HELZ: variants seen among roughly 807,000 people sequenced by gnomAD.
HELZ encodes the protein helicase with zinc finger.
In HELZ, 23 loss-of-function variants were observed where a neutral mutation model predicts 218.2. The ratio of observed to expected loss-of-function variants is 0.11; its 90% CI spans 0.08 to 0.15. The LOEUF is 0.15. Ranked by LOEUF, HELZ falls within the 10% of genes least tolerant of loss-of-function variation. The probability of loss-of-function intolerance (pLI) is 1.00; values close to 1 mark genes in which losing one functional copy is unlikely to be tolerated. For synonymous variants in HELZ, 814 were observed against 829.4 expected, an observed-to-expected ratio of 0.98 and a Z score of 0.32; for missense variants, 1,813 against 2,353.7, an observed-to-expected ratio of 0.77 and a Z score of 4.75.
At chr17:67,242,739 T>C (rs1266943248) in intron 2 of HELZ, among the ~76,000 whole-genome samples, 1 of 151,660 alleles carries the variant, frequency 6.6e-6, no homozygotes, top group East Asian at 1.9e-4. Context: ...CACAAGAAAA[T>C]GCAGTATGTG....
rs183613778 is a variant in HELZ, at chr17:67,123,101, G to C, written c.3499C>G (p.Pro1167Ala). 4.7e-5 allele frequency: 76 copies of C among 1,613,568 alleles called. No individual in the cohort carries two copies. The Admixed American group carries it at 7.5e-4, about 16-fold the overall frequency. The part of the protein sequence containing the change: ...NPIRAYTPPP[P>A]LGPHPNLGKS... ...CCCAAATTTGGGTGAGGTCCAAGAG[G>C]GGGTGGAGGAGTATATGCTCTAATA... Residue 1167 changes from proline (P) to alanine (A), a missense_variant, in exon 26 of 33, where the codon CCT becomes GCT. By Grantham distance (27) the Pro-to-Ala change is conservative. Around this residue, in one of 4 missense-constraint regions of HELZ, gnomAD observed 938 missense variants for 1,027.5 expected, o/e 0.91. Coordinates refer to ENST00000358691, the MANE Select transcript of HELZ (RefSeq NM_014877.4).
At chr17:67,098,153 T>C (rs1428135084) in intron 31 of HELZ, among the ~76,000 whole-genome samples, 2 of 152,206 alleles carry the variant, frequency 1.3e-5, no homozygotes, top group Non-Finnish European at 2.9e-5. Context: ...TTCTGTGTAA[T>C]TGCAATCATT....
chr17:67,124,590 C>T (rs2037723008), intron 24 of HELZ, among the ~76,000 whole-genome samples: 2 of 152,240 alleles, frequency 1.3e-5, no homozygotes, highest in African/African-American at 4.8e-5. Context: ...AACTGCTAGA[C>T]AGCAATATGG....
At chr17:67,219,233 G>T (rs1285557804) in intron 3 of HELZ, among the ~76,000 whole-genome samples, 1 of 152,154 alleles carries the variant, frequency 6.6e-6, no homozygotes, top group Non-Finnish European at 1.5e-5. Flanking sequence ...ACAGTTCTGT[G>T]ACCATGATTG....
chr17:67,194,170 T>C, intron 8 of HELZ, 128 bp from the exon 9 acceptor site: 1 of 640,856 alleles, frequency 1.6e-6, no homozygotes, highest in Non-Finnish European at 2.7e-6. Context: ...GAACATGACA[T>C]ACTTGCCTCT....
At chr17:67,114,294 C>T in intron 28 of HELZ, 30 bp downstream of exon 28, 1 of 1,454,462 alleles carries the variant, frequency 6.9e-7, no homozygotes, top group Non-Finnish European at 9.7e-7. Flanking sequence ...ACTAAATCCA[C>T]TAGGACAACA....
chr17:67,230,743 C>T (rs769494420), intron 3 of HELZ, among the ~76,000 whole-genome samples: 1 of 152,012 alleles, frequency 6.6e-6, no homozygotes, highest in South Asian at 2.1e-4. Flanking sequence ...TGTGTAGACA[C>T]AGAATCACAT....
chr17:67,187,847 G>A (rs1252640461), intron 12 of HELZ, among the ~76,000 whole-genome samples: 1 of 152,140 alleles, frequency 6.6e-6, no homozygotes, highest in Non-Finnish European at 1.5e-5. Flanking sequence ...AACACTAGTG[G>A]ATGCACAAAC....
intron 5 of HELZ, among the ~76,000 whole-genome samples, chr17:67,212,314 C>CAAAAAAAAAACAAAA (rs2040476095): frequency 4.7e-5 from 1 of 21,396 alleles, no homozygotes; most frequent in Non-Finnish European, 8.1e-5. Context: ...GACACCATCT[C>CAAAAAAAAAACAAAA]AAAAAAAAAA....
Position 67,120,602 on chromosome 17 carries a change from G to C in HELZ, c.3641C>G (p.Thr1214Arg). The C allele has an allele frequency of 6.2e-7, 1 of 1,610,130 alleles. No homozygotes were observed. ...AACTGCAAACCTACCCTGGTATCCT[G>C]TCCATGGTACCTAGGTTATTAAAAA... The part of the protein sequence containing the change: ...VMSVPLPVPW[T>R]GYQGRFAVDP... Residue 1214 changes from threonine to arginine, a missense_variant, in exon 27 of 33, where the codon ACA becomes AGA. Around this residue, in one of 4 missense-constraint regions of HELZ, gnomAD observed 938 missense variants for 1,027.5 expected, o/e 0.91. Transcript: ENST00000358691.
chr17:67,245,595 C>G (rs2041462888), upstream of HELZ: 1 of 896,424 alleles, frequency 1.1e-6, no homozygotes, highest in Admixed American at 6.2e-5. Flanking sequence ...AGCGTTTCTG[C>G]TCCTGCGGCC....
At chr17:67,168,185 G>A (rs1354445799) in intron 13 of HELZ, among the ~76,000 whole-genome samples, 1 of 151,982 alleles carries the variant, frequency 6.6e-6, no homozygotes, top group Non-Finnish European at 1.5e-5. Context: ...TGACATGTTG[G>A]CCAGGCTGGT....
chr17:67,221,895 AGTG>A (rs2040757077), intron 3 of HELZ, among the ~76,000 whole-genome samples: 1 of 141,742 alleles, frequency 7.1e-6, no homozygotes, highest in Admixed American at 7.4e-5. Flanking sequence ...CCATGCTGGG[AGTG>A]TAGTCGTGCA....
intron 5 of HELZ, among the ~76,000 whole-genome samples, chr17:67,215,288 AT>A (rs1468662775): frequency 6.6e-6 from 1 of 151,228 alleles, no homozygotes; most frequent in Non-Finnish European, 1.5e-5. Context: ...TAAGCTTAAC[AT>A]TTTATTCAAT....
intron 17 of HELZ, among the ~76,000 whole-genome samples, chr17:67,158,891 C>T (rs1399382386): frequency 1.3e-5 from 2 of 152,128 alleles, no homozygotes; most frequent in Admixed American, 1.3e-4. Context: ...TCATCAGCAA[C>T]AGCTCTACAG....
intron 15 of HELZ, among the ~76,000 whole-genome samples, chr17:67,161,763 C>G (rs1208018647): frequency 6.6e-6 from 1 of 152,176 alleles, no homozygotes; most frequent in Non-Finnish European, 1.5e-5. Flanking sequence ...CAGATGGCTA[C>G]TGTAATGAGA....
At chr17:67,089,664 T>G (rs1170180184) in intron 31 of HELZ, among the ~76,000 whole-genome samples, 101 of 45,442 alleles carry the variant, frequency 2.2e-3, no homozygotes, top group African/African-American at 3.8e-3. Context: ...TATATATATA[T>G]ATATAGAGAG....
At chr17:67,100,876 G>A (rs192250444) in intron 31 of HELZ, among the ~76,000 whole-genome samples, 181 of 152,056 alleles carry the variant, frequency 1.2e-3, no homozygotes, top group Middle Eastern at 6.8e-3. Context: ...TGAGGCAGGC[G>A]GATCACGAGG....
At chr17:67,176,173 C>T (rs1363700352) in intron 13 of HELZ, 1 of 152,104 alleles carries the variant, frequency 6.6e-6, no homozygotes, top group Non-Finnish European at 1.5e-5. Flanking sequence ...AGTCTACCAA[C>T]CAGAACATTT....
Sources: gnomAD v4.1 joint callset for allele counts (sites outside exome capture counted in the v4.1 genomes callset) on GRCh38, gnomAD v4.1.1 for gene constraint, gnomAD v4.1.1 regional missense constraint, MANE v1.5 for transcripts, NCBI Gene and HGNC (gene_info 2026-07-23, HGNC 2026-07-21) for gene names.